The following CLSTN2 variants were observed in gnomAD, a reference collection of about 807,000 sequenced individuals.
CLSTN2 encodes the protein calsyntenin 2, also known as calsyntenin-2.
In CLSTN2, 48 loss-of-function variants were observed where a neutral mutation model predicts 101.2. The observed-to-expected ratio is 0.47, with a 90% CI of 0.38 to 0.60. CLSTN2 has a LOEUF of 0.60. Among genes scored for constraint, CLSTN2 ranks in the 20% least tolerant of loss-of-function variants. The probability of loss-of-function intolerance (pLI) is 0.00; values close to 1 mark genes in which losing one functional copy is unlikely to be tolerated. For synonymous variants in CLSTN2, 481 were observed against 463.6 expected, an observed-to-expected ratio of 1.04 and a Z score of -0.48; for missense variants, 1,160 against 1,238.2, an observed-to-expected ratio of 0.94 and a Z score of 0.95.
chr3:140,332,768 C>G (rs1255971846), intron 2 of CLSTN2, among the ~76,000 whole-genome samples: 3 of 150,872 alleles, frequency 2.0e-5, no homozygotes, highest in African/African-American at 7.3e-5. Flanking sequence ...AGGTAGGAGA[C>G]AAGGAGGAGT....
chr3:140,142,592 C>A (rs1195686352), intron 1 of CLSTN2, among the ~76,000 whole-genome samples: 1 of 152,218 alleles, frequency 6.6e-6, no homozygotes, highest in East Asian at 1.9e-4. Context: ...ACCTGGATTT[C>A]TGTGTTGGTT....
At chr3:140,349,954 CT>C (rs2087587944) in intron 2 of CLSTN2, among the ~76,000 whole-genome samples, 1 of 152,196 alleles carries the variant, frequency 6.6e-6, no homozygotes, top group Non-Finnish European at 1.5e-5. Context: ...CCTCCACCAC[CT>C]TGTTGACATC....
At chr3:140,100,616 A>G (rs1259496432) in intron 1 of CLSTN2, among the ~76,000 whole-genome samples, 1 of 152,230 alleles carries the variant, frequency 6.6e-6, no homozygotes, top group Non-Finnish European at 1.5e-5. Flanking sequence ...GCTTTCCTAA[A>G]TGTACTGATT....
chr3:140,121,011 A>C (rs999171150), intron 1 of CLSTN2, among the ~76,000 whole-genome samples: 4 of 152,242 alleles, frequency 2.6e-5, no homozygotes, highest in African/African-American at 9.6e-5. Flanking sequence ...GCCTCTGGTA[A>C]ACAGGTAACA....
At chr3:140,047,866 T>C (rs2007911444) in intron 1 of CLSTN2, among the ~76,000 whole-genome samples, 1 of 152,214 alleles carries the variant, frequency 6.6e-6, no homozygotes, top group South Asian at 2.1e-4. Flanking sequence ...GCCTCACCTC[T>C]CAATGCTGCC....
intron 1 of CLSTN2, among the ~76,000 whole-genome samples, chr3:140,012,206 T>C (rs1336182130): frequency 6.6e-6 from 1 of 151,426 alleles, no homozygotes; most frequent in Non-Finnish European, 1.5e-5. Flanking sequence ...GCAAGGAGAA[T>C]GCCAAGAGAA....
chr3:140,489,217 G>A (rs1164282978), intron 8 of CLSTN2, among the ~76,000 whole-genome samples: 1 of 152,076 alleles, frequency 6.6e-6, no homozygotes, highest in Non-Finnish European at 1.5e-5. Flanking sequence ...GGGATGGGGT[G>A]CAGGGAAGGG....
chr3:140,355,924 T>G (rs904268408), intron 2 of CLSTN2, among the ~76,000 whole-genome samples: 2 of 152,220 alleles, frequency 1.3e-5, no homozygotes, highest in Non-Finnish European at 2.9e-5. Flanking sequence ...AGCTTTTGTG[T>G]TTGAATAAAA....
At chr3:140,244,191 G>GC (rs1269400273) in intron 2 of CLSTN2, among the ~76,000 whole-genome samples, 2 of 152,176 alleles carry the variant, frequency 1.3e-5, no homozygotes, top group South Asian at 4.1e-4. Context: ...TGTACTGCCT[G>GC]CACCTGGATG....
intron 2 of CLSTN2, among the ~76,000 whole-genome samples, chr3:140,302,892 A>G (rs951789215): frequency 2.0e-5 from 3 of 152,174 alleles, no homozygotes; most frequent in Non-Finnish European, 4.4e-5. Context: ...GATGACTGAC[A>G]TTCTGGTGTG....
chr3:140,148,885 C>T (rs1019134655), intron 1 of CLSTN2, among the ~76,000 whole-genome samples: 1 of 152,126 alleles, frequency 6.6e-6, no homozygotes. Flanking sequence ...GGACTCCAGA[C>T]TTCTTGGTGG....
Position 140,457,790 on chromosome 3 carries a change from G to T in CLSTN2, c.974-1731G>T, listed in dbSNP as rs577841477. Among the ~76,000 whole-genome samples, 5 of 152,288 alleles carry T rather than the reference G, an allele frequency of 3.3e-5. 1 individual carries two copies. Among genetic ancestry groups the T allele is most frequent in the South Asian group, 4.1e-4 (2 of 4,820 alleles). On this transcript the variant is annotated intron_variant, in intron 6 of 16. Coordinates refer to ENST00000458420, the MANE Select transcript of CLSTN2 (RefSeq NM_022131.3). ...ACTGAGTGCCTACTATGTGTCAGGTGCAGTAACAGACAAAATCTCTAGGAA... is the reference window on the plus strand; with the variant it reads ...ACTGAGTGCCTACTATGTGTCAGGTTCAGTAACAGACAAAATCTCTAGGAA...
At chr3:140,202,048 T>C (rs1235290054) in intron 2 of CLSTN2, among the ~76,000 whole-genome samples, 1 of 152,132 alleles carries the variant, frequency 6.6e-6, no homozygotes, top group Admixed American at 6.5e-5. Flanking sequence ...GTCTGGCTAT[T>C]TAGGGAAAGC....
intron 2 of CLSTN2, among the ~76,000 whole-genome samples, chr3:140,240,764 A>G (rs963655234): frequency 8.5e-5 from 13 of 152,178 alleles, no homozygotes; most frequent in African/African-American, 3.1e-4. Flanking sequence ...TAACTTTGAG[A>G]GACTGAAGCA....
chr3:140,058,312 G>A (rs2008136089), intron 1 of CLSTN2, among the ~76,000 whole-genome samples: 1 of 152,124 alleles, frequency 6.6e-6, no homozygotes, highest in African/African-American at 2.4e-5. Context: ...CCCTCATCTG[G>A]CCTAGTAATA....
intron 10 of CLSTN2, among the ~76,000 whole-genome samples, chr3:140,547,004 C>G (rs937401161): frequency 2.0e-5 from 3 of 152,228 alleles, no homozygotes; most frequent in African/African-American, 7.2e-5. Context: ...GTTGGCTGCT[C>G]TGTTGTTTAT....
intron 1 of CLSTN2, among the ~76,000 whole-genome samples, chr3:140,132,735 A>G (rs2009541565): frequency 6.6e-6 from 1 of 152,232 alleles, no homozygotes; most frequent in Admixed American, 6.5e-5. Context: ...AAGGGAATGC[A>G]AAACAGTTCT....
At chr3:140,194,683 C>T (rs1201359425) in intron 2 of CLSTN2, among the ~76,000 whole-genome samples, 2 of 152,154 alleles carry the variant, frequency 1.3e-5, no homozygotes, top group Non-Finnish European at 2.9e-5. Flanking sequence ...GGGGGCATCA[C>T]CTCCTTACTG....
chr3:140,010,578 C>T (rs772310502), intron 1 of CLSTN2, among the ~76,000 whole-genome samples: 1 of 152,196 alleles, frequency 6.6e-6, no homozygotes, highest in South Asian at 2.1e-4. Context: ...CTCTGAATGG[C>T]CTGACTAGGG....
Sources: gnomAD v4.1 joint callset for allele counts (sites outside exome capture counted in the v4.1 genomes callset) on GRCh38, gnomAD v4.1.1 for gene constraint, MANE v1.5 for transcripts, NCBI Gene and HGNC (gene_info 2026-07-23, HGNC 2026-07-21) for gene names.